Variants in KAZN observed in about 807,000 individuals in gnomAD.
The protein encoded by KAZN is kazrin, periplakin interacting protein, also known as kazrin.
A neutral mutation model predicts 87.4 loss-of-function variants in KAZN; 40 were observed. That is an observed-to-expected ratio of 0.46 (90% CI 0.36 to 0.60). The LOEUF (loss-of-function observed/expected upper bound fraction) is 0.60, where lower values mean the gene tolerates loss of function less well. Ranked by LOEUF, KAZN falls within the 20% of genes least tolerant of loss-of-function variation. The pLI, the probability that KAZN is intolerant of heterozygous loss-of-function variation, is 0.00. For synonymous variants in KAZN, 466 were observed against 458.3 expected (o/e 1.02, Z -0.22); for missense variants, 898 against 1,073.9 (o/e 0.84, Z 2.29).
At chr1:14,493,359 A>C (rs1422275843) in intron 2 of KAZN, among the ~76,000 whole-genome samples, 1 of 152,244 alleles carries the variant, frequency 6.6e-6, no homozygotes, top group East Asian at 1.9e-4. Flanking sequence ...ATGGTTCTAC[A>C]GAATGACTTG....
At chr1:14,372,776 A>C (rs1443959861) in intron 2 of KAZN, among the ~76,000 whole-genome samples, 2 of 152,080 alleles carry the variant, frequency 1.3e-5, no homozygotes, top group Non-Finnish European at 2.9e-5. Flanking sequence ...TCATTTATTC[A>C]CTCACAATAC....
At chr1:15,068,010 T>C in intron 8 of KAZN, 1 of 788,968 alleles carries the variant, frequency 1.3e-6, no homozygotes, top group South Asian at 5.9e-5. Context: ...ATGATTTATT[T>C]AAGAGAACTA....
At chr1:14,708,439 C>T (rs1642323003) in intron 1 of KAZN, among the ~76,000 whole-genome samples, 1 of 151,964 alleles carries the variant, frequency 6.6e-6, no homozygotes. Context: ...CACCAAAGCA[C>T]AAAAAAAACT....
chr1:13,964,580 T>C (rs566752159), intron 1 of KAZN, among the ~76,000 whole-genome samples: 2 of 152,272 alleles, frequency 1.3e-5, no homozygotes, highest in Admixed American at 1.3e-4. Context: ...TCTTTAAACG[T>C]AGTCTCTCAT....
At chr1:14,596,760 C>T (rs1378655632), upstream of KAZN, among the ~76,000 whole-genome samples, 2 of 152,226 alleles carry the variant, frequency 1.3e-5, no homozygotes, top group African/African-American at 2.4e-5. Flanking sequence ...GCTTCATCCA[C>T]GTAGTAGTAG....
chr1:14,430,601 A>G (rs1665997548), intron 2 of KAZN, among the ~76,000 whole-genome samples: 1 of 152,198 alleles, frequency 6.6e-6, no homozygotes. Flanking sequence ...TAAGAGGTGG[A>G]CAGGATAACC....
At chr1:14,972,931 T>G (rs566300336) in intron 2 of KAZN, among the ~76,000 whole-genome samples, 2 of 151,956 alleles carry the variant, frequency 1.3e-5, no homozygotes, top group Admixed American at 1.3e-4. Flanking sequence ...GGACTGCAGT[T>G]TCACTCAGAT....
intron 1 of KAZN, among the ~76,000 whole-genome samples, chr1:14,171,259 T>C (rs917363148): frequency 1.3e-5 from 2 of 152,226 alleles, no homozygotes; most frequent in Admixed American, 1.3e-4. Flanking sequence ...TGCTCATGTG[T>C]GAGTGTTTGC....
intron 2 of KAZN, among the ~76,000 whole-genome samples, chr1:14,261,940 G>A (rs1449207402): frequency 6.6e-6 from 1 of 152,110 alleles, no homozygotes; most frequent in African/African-American, 2.4e-5. Context: ...CCCAAATGGT[G>A]GTGGACAGAT....
At chr1:14,619,803 G>A (rs1055645890) in intron 1 of KAZN, among the ~76,000 whole-genome samples, 8 of 152,144 alleles carry the variant, frequency 5.3e-5, no homozygotes, top group East Asian at 1.9e-4. Flanking sequence ...GACCTTTTGT[G>A]ACTGTCTTCT....
At chr1:14,228,943 G>C (rs1647545122) in intron 2 of KAZN, among the ~76,000 whole-genome samples, 1 of 152,180 alleles carries the variant, frequency 6.6e-6, no homozygotes. Context: ...ACCATACTCA[G>C]TATGTTATCC....
intron 2 of KAZN, among the ~76,000 whole-genome samples, chr1:14,535,466 G>T (rs2148487194): frequency 6.6e-6 from 1 of 152,314 alleles, no homozygotes; most frequent in Non-Finnish European, 1.5e-5. Flanking sequence ...AGGAGATTGA[G>T]ACCATCCTGG....
chr1:14,039,491 G>A (rs1402518183), intron 1 of KAZN, among the ~76,000 whole-genome samples: 1 of 152,244 alleles, frequency 6.6e-6, no homozygotes, highest in Non-Finnish European at 1.5e-5. Context: ...ATGCAAGATT[G>A]TCCACATGAG....
chr1:14,865,189 C>T (rs1651312466), intron 1 of KAZN, among the ~76,000 whole-genome samples: 1 of 152,172 alleles, frequency 6.6e-6, no homozygotes, highest in Non-Finnish European at 1.5e-5. Flanking sequence ...GTTCTCACCA[C>T]TAGACAAACT....
At chr1:14,100,455 C>G (rs887862815) in intron 1 of KAZN, among the ~76,000 whole-genome samples, 1 of 152,220 alleles carries the variant, frequency 6.6e-6, no homozygotes, top group Non-Finnish European at 1.5e-5. Context: ...GAAGCAAAAT[C>G]AGCAAAGGCA....
intron 1 of KAZN, among the ~76,000 whole-genome samples, chr1:14,114,297 G>A (rs1010270115): frequency 7.2e-5 from 11 of 152,108 alleles, no homozygotes; most frequent in African/African-American, 2.7e-4. Context: ...GGCATTGGGG[G>A]GATCAGTGCA....
intron 1 of KAZN, among the ~76,000 whole-genome samples, chr1:14,805,774 T>A (rs1646194021): frequency 1.2e-5 from 1 of 80,568 alleles, no homozygotes; most frequent in Non-Finnish European, 2.4e-5. Context: ...ATAATAATAA[T>A]AATAATAATA....
intron 1 of KAZN, among the ~76,000 whole-genome samples, chr1:14,065,023 G>A (rs1642954110): frequency 6.6e-6 from 1 of 152,148 alleles, no homozygotes; most frequent in Non-Finnish European, 1.5e-5. Flanking sequence ...AGGCTTTGGG[G>A]CCCTGGGTAT....
intron 1 of KAZN, among the ~76,000 whole-genome samples, chr1:13,942,380 AAT>A (rs766408557): frequency 3.1e-4 from 46 of 147,476 alleles, no homozygotes; most frequent in Non-Finnish European, 5.5e-4. Flanking sequence ...CTCTACTAAA[AAT>A]ACAAAAAATT....
Sources: gnomAD v4.1 joint callset for allele counts (sites outside exome capture counted in the v4.1 genomes callset) on GRCh38, gnomAD v4.1.1 for gene constraint, MANE v1.5 for transcripts, NCBI Gene and HGNC (gene_info 2026-07-23, HGNC 2026-07-21) for gene names.